The following ALKBH8 variants were observed in gnomAD, a reference collection of about 807,000 sequenced individuals.
ALKBH8 encodes the protein alkB homolog 8, tRNA methyltransferase.
Under a neutral mutation model 59.8 loss-of-function variants are expected in ALKBH8, and 36 were observed. The observed-to-expected ratio is 0.60, with a 90% CI of 0.46 to 0.79. The LOEUF is 0.79. ALKBH8 is among the 30% of genes least tolerant of loss of function. The pLI is 0.00. For synonymous variants in ALKBH8, 276 were observed against 273.6 expected, an observed-to-expected ratio of 1.01 and a Z score of -0.09; for missense variants, 768 against 801.0, an observed-to-expected ratio of 0.96 and a Z score of 0.50.
chr11:107,525,613 A>C (rs1482797973), intron 8 of ALKBH8, 21 bp from the exon 9 acceptor site: 2 of 1,348,690 alleles, frequency 1.5e-6, no homozygotes, highest in Admixed American at 3.6e-5. Flanking sequence ...TAGTCAAAAA[A>C]ATTTACTTAA....
intron 7 of ALKBH8, among the ~76,000 whole-genome samples, chr11:107,546,187 C>T (rs749088749): frequency 3.5e-4 from 53 of 152,134 alleles, no homozygotes; most frequent in Middle Eastern, 6.8e-3. Context: ...AGTTTTCTTC[C>T]TTATTTATAA....
chr11:107,504,026 GCT>G lies in ALKBH8; in HGVS notation c.*630_*631del, dbSNP rs2135457373. The G allele has an allele frequency of 6.5e-6, 1 of 153,218 alleles. No homozygotes were observed. The highest frequency in any genetic ancestry group is 1.9e-4 in the East Asian group (1 of 5,190). 9.5% of individuals were successfully genotyped at this position (153,218 alleles called of 1,614,324 possible). Reference sequence around the variant, plus strand: ...TAAGCACCATAAGGGCAAGAGCTTTGCTCTTTCTTATTCACTGCTTCATTATC... The same window carrying G: ...TAAGCACCATAAGGGCAAGAGCTTTGCTTTCTTATTCACTGCTTCATTATC... On this transcript the variant is annotated 3_prime_UTR_variant, in exon 12 of 12. Transcript: ENST00000428149.
chr11:107,509,117 A>C (rs943101943), intron 11 of ALKBH8, among the ~76,000 whole-genome samples: 1 of 152,214 alleles, frequency 6.6e-6, no homozygotes, highest in Non-Finnish European at 1.5e-5. Flanking sequence ...TCCATTTTAC[A>C]TTCCCACCAG....
In ALKBH8 at chr11:107,504,219, T is replaced by A; in HGVS notation, c.*439A>T. ...ATGGAAATAGAATGGTTATTGTCTA[T>A]GATTTTACAGAGCTAAAAATCATAG... is the stretch of plus-strand genomic sequence containing the variant. On this transcript the variant is annotated 3_prime_UTR_variant, in exon 12 of 12. Coordinates refer to ENST00000428149, the MANE Select transcript of ALKBH8 (RefSeq NM_138775.3). The A allele has an allele frequency of 2.5e-6, 1 of 394,774 alleles. No homozygotes were observed. Among genetic ancestry groups the A allele is most frequent in the East Asian group, 4.6e-5 (1 of 21,826 alleles). 24.5% of individuals were successfully genotyped at this position (394,774 alleles called of 1,614,324 possible). A position where few individuals can be genotyped will look rare whatever the true frequency, so the allele number is the denominator to read the frequency against.
intron 10 of ALKBH8, among the ~76,000 whole-genome samples, chr11:107,517,000 G>A (rs477390): frequency 0.47 from 70,866 of 151,952 alleles, 17,889 homozygotes; most frequent in Non-Finnish European, 0.57. Context: ...CTCCAGCCTG[G>A]GCAACAGAGC....
At chr11:107,509,396 T>C (rs1862528300) in intron 11 of ALKBH8, among the ~76,000 whole-genome samples, 3 of 152,220 alleles carry the variant, frequency 2.0e-5, no homozygotes, top group Admixed American at 2.0e-4. Context: ...ATATTATGGA[T>C]ATTAATTCCT....
intron 7 of ALKBH8, among the ~76,000 whole-genome samples, chr11:107,543,003 C>G (rs1020298208): frequency 6.6e-6 from 1 of 152,090 alleles, no homozygotes; most frequent in Non-Finnish European, 1.5e-5. Context: ...AGATTTTGTT[C>G]CGTATGGGAG....
chr11:107,512,170 G>C (rs1862657845), intron 10 of ALKBH8, among the ~76,000 whole-genome samples: 1 of 151,854 alleles, frequency 6.6e-6, no homozygotes, highest in African/African-American at 2.4e-5. Context: ...GTTGTACACA[G>C]TTTTGCTGCT....
In ALKBH8 at chr11:107,563,975, C is replaced by A. The variant is rs551326018; in HGVS notation, c.-7+1626G>T. Among the ~76,000 whole-genome samples the A allele has an allele frequency of 1.3e-4, 20 of 152,276 alleles. No individual in the cohort carries two copies. The South Asian group carries it at 3.9e-3, about 30-fold the overall frequency. On this transcript the variant is annotated intron_variant, in intron 1 of 11. Transcript: ENST00000428149. ...ATGTGCTGGCCCAACATATCTGAGT[C>A]ATCTCAACAAGGATAGGCTGATACC...
rs73553686 is a variant in ALKBH8, at chr11:107,550,893, A to G, written c.700+915T>C. 4.9e-3 allele frequency among the ~76,000 whole-genome samples: 750 copies of G among 152,286 alleles called. 3 individuals carry two copies. The highest frequency in any genetic ancestry group is 0.017 in the African/African-American group (713 of 41,560). ...GAAGGGAGGCCTCACCAGGAACCCA[A>G]TCAACCAGCACCTTGATCTTGAACT... On this transcript the variant is annotated intron_variant, in intron 6 of 11. Transcript: ENST00000428149.
chr11:107,519,702 T>C (rs1863026770), intron 10 of ALKBH8, among the ~76,000 whole-genome samples: 1 of 152,206 alleles, frequency 6.6e-6, no homozygotes, highest in African/African-American at 2.4e-5. Flanking sequence ...ACATCTCCTT[T>C]GAGCATCATG....
Position 107,556,908 on chromosome 11 carries a change from TAAG to T in ALKBH8, c.222_224del (p.Leu75del), listed in dbSNP as rs748497494. Reference sequence around the variant, plus strand: ...ATGAGTACGGCTTGTTAGGTGGCATTAAGAGAGCATCCACCAGTCCACATTTCT... The same window carrying T: ...ATGAGTACGGCTTGTTAGGTGGCATTAGAGCATCCACCAGTCCACATTTCT... On this transcript the variant is annotated inframe_deletion, in exon 3 of 12. Transcript: ENST00000428149. 8 of 1,612,646 alleles carry T rather than the reference TAAG, an allele frequency of 5.0e-6. No individual in the cohort carries two copies. In the East Asian group the frequency reaches 1.6e-4, roughly 31 times the overall value.
At chr11:107,533,304 G>A (rs759471426) in intron 7 of ALKBH8, among the ~76,000 whole-genome samples, 6 of 152,082 alleles carry the variant, frequency 3.9e-5, no homozygotes, top group Admixed American at 2.0e-4. Context: ...TAAGTGGGAC[G>A]AAAATAATTC....
At chr11:107,542,545 C>A (rs545909878) in intron 7 of ALKBH8, among the ~76,000 whole-genome samples, 8 of 152,096 alleles carry the variant, frequency 5.3e-5, no homozygotes, top group Non-Finnish European at 1.0e-4. Context: ...CAGTTTTTAA[C>A]AGAAAACATG....
At chr11:107,537,470 C>T (rs1412261964) in intron 7 of ALKBH8, among the ~76,000 whole-genome samples, 2 of 152,016 alleles carry the variant, frequency 1.3e-5, no homozygotes, top group East Asian at 1.9e-4. Context: ...AACCAAATAC[C>T]ACATGTTCTC....
At chr11:107,524,110 T>A (rs771182513) in intron 9 of ALKBH8, among the ~76,000 whole-genome samples, 9 of 152,090 alleles carry the variant, frequency 5.9e-5, no homozygotes, top group Non-Finnish European at 1.3e-4. Context: ...CAGGCCACAG[T>A]GCAAGTGGCG....
intron 11 of ALKBH8, among the ~76,000 whole-genome samples, chr11:107,510,601 G>A (rs1469897065): frequency 2.0e-5 from 3 of 152,158 alleles, no homozygotes; most frequent in Non-Finnish European, 2.9e-5. Context: ...GTGACTCTGG[G>A]TTTAAAGGAA....
chr11:107,516,188 GGT>G (rs1381704097), intron 10 of ALKBH8, among the ~76,000 whole-genome samples: 1 of 152,156 alleles, frequency 6.6e-6, no homozygotes, highest in Non-Finnish European at 1.5e-5. Context: ...GTCGTTAAAT[GGT>G]GAAACAAAAA....
intron 11 of ALKBH8, among the ~76,000 whole-genome samples, chr11:107,509,796 T>A (rs779557527): frequency 6.6e-6 from 1 of 152,198 alleles, no homozygotes; most frequent in Non-Finnish European, 1.5e-5. Context: ...GACGATCATA[T>A]AGAACTTCAT....
Sources: allele counts gnomAD v4.1 joint callset (sites outside exome capture counted in the v4.1 genomes callset), GRCh38; gene constraint gnomAD v4.1.1; transcripts MANE v1.5; gene names NCBI Gene and HGNC (gene_info 2026-07-23, HGNC 2026-07-21).